CAV1: variants seen among roughly 807,000 people sequenced by gnomAD.
The protein encoded by CAV1 is caveolin 1, also known as caveolin-1.
In CAV1, 10 loss-of-function variants were observed where a neutral mutation model predicts 16.5. The ratio of observed to expected loss-of-function variants is 0.61; its 90% CI spans 0.37 to 1.03. The LOEUF is 1.03. Among genes scored for constraint, CAV1 ranks in the 50% least tolerant of loss-of-function variants. The probability of loss-of-function intolerance (pLI) is 0.01; values close to 1 mark genes in which losing one functional copy is unlikely to be tolerated. For missense variants in CAV1, 212 were observed against 232.8 expected (o/e 0.91, Z 0.58); for synonymous variants, 76 against 85.1 (o/e 0.89, Z 0.59).
In CAV1 at chr7:116,550,581, T is replaced by C. The variant is rs1245244006; in HGVS notation, c.196-8365T>C. ...GTTCCTATGTTCTGGTAACATTTAA[T>C]TGTGCTATTTCTCAACCTCCTCTGC... On this transcript the variant is annotated intron_variant, in intron 2 of 2. Coordinates refer to ENST00000341049, the MANE Select transcript of CAV1 (RefSeq NM_001753.5). Among the ~76,000 whole-genome samples the C allele has an allele frequency of 3.9e-5, 6 of 152,292 alleles. No homozygotes were observed. In the East Asian group the frequency reaches 5.8e-4, roughly 15 times the overall value.
chr7:116,525,781 A>C, intron 1 of CAV1: 3 of 1,049,202 alleles, frequency 2.9e-6, no homozygotes, highest in Non-Finnish European at 3.5e-6. Context: ...GAGTGCCCTG[A>C]GGGTGGGTCG....
At chr7:116,526,299 C>G in intron 1 of CAV1, 1 of 1,371,602 alleles carries the variant, frequency 7.3e-7, no homozygotes, top group Non-Finnish European at 9.5e-7. Context: ...CTGCAGAGTA[C>G]AGAGGGGTGT....
chr7:116,537,912 A>G (rs991049701), intron 2 of CAV1, among the ~76,000 whole-genome samples: 1 of 152,208 alleles, frequency 6.6e-6, no homozygotes, highest in Non-Finnish European at 1.5e-5. Context: ...CTAGAGTAGA[A>G]CTTCCAGTGA....
intron 2 of CAV1, among the ~76,000 whole-genome samples, chr7:116,558,517 G>T (rs984634468): frequency 1.3e-5 from 2 of 151,816 alleles, no homozygotes; most frequent in African/African-American, 4.8e-5. Flanking sequence ...GAAGGCCAAG[G>T]TGGGTGGATT....
At chr7:116,540,187 C>A (rs1433137530) in intron 2 of CAV1, among the ~76,000 whole-genome samples, 4 of 152,112 alleles carry the variant, frequency 2.6e-5, no homozygotes, top group Non-Finnish European at 5.9e-5. Context: ...TTTCTCTTTG[C>A]CTCAGAAGTG....
rs1794382344 is a variant in CAV1, at chr7:116,560,310, A to G, written c.*1023A>G. The G allele has an allele frequency of 6.5e-6, 1 of 153,082 alleles. No individual in the cohort carries two copies. The highest frequency in any genetic ancestry group is 2.4e-5 in the African/African-American group (1 of 41,508). The allele number at this position is 153,082 out of a possible 1,614,324, so 9.5% of individuals were successfully genotyped here. A position where few individuals can be genotyped will look rare whatever the true frequency, so the allele number is the denominator to read the frequency against. ...AGAATAATCACGCTTTCCTGAATCCAAACTAATCCATCACCGGGGTGGTTT... is the reference window on the plus strand; with the variant it reads ...AGAATAATCACGCTTTCCTGAATCCGAACTAATCCATCACCGGGGTGGTTT... On this transcript the variant is annotated 3_prime_UTR_variant, in exon 3 of 3. Coordinates refer to ENST00000341049, the MANE Select transcript of CAV1 (RefSeq NM_001753.5).
intron 2 of CAV1, among the ~76,000 whole-genome samples, chr7:116,532,123 C>T (rs1793698053): frequency 6.6e-6 from 1 of 152,088 alleles, no homozygotes; most frequent in South Asian, 2.1e-4. Flanking sequence ...GCAAGGTGCA[C>T]CAAGTACCCT....
At chr7:116,525,765 G>C (rs1385903494) in intron 1 of CAV1, 10 of 1,056,398 alleles carry the variant, frequency 9.5e-6, no homozygotes, top group Non-Finnish European at 1.2e-5. Context: ...CCCGCCCGCA[G>C]CCTGGGAGTG....
At chr7:116,526,270 C>A in intron 1 of CAV1, 1 of 1,256,862 alleles carries the variant, frequency 8.0e-7, no homozygotes, top group East Asian at 4.1e-5. Context: ...TGGCGGCGGG[C>A]GGGGGAGGCA....
intron 2 of CAV1, chr7:116,542,635 T>C (rs374237998): frequency 1.1e-4 from 17 of 152,362 alleles, no homozygotes; most frequent in Admixed American, 9.8e-4. Context: ...CAAAAAATTC[T>C]TTCTTGCACA....
chr7:116,526,246 C>T, intron 1 of CAV1: 2 of 1,189,090 alleles, frequency 1.7e-6, no homozygotes, highest in Non-Finnish European at 2.1e-6. Context: ...CGCGGCGGGG[C>T]CTGCCCTGAC....
chr7:116,532,663 T>C (rs1793709118), intron 2 of CAV1, among the ~76,000 whole-genome samples: 1 of 152,226 alleles, frequency 6.6e-6, no homozygotes. Flanking sequence ...CTAGAAATTA[T>C]GCCTAACACA....
At chr7:116,549,634 T>C (rs1334315426) in intron 2 of CAV1, among the ~76,000 whole-genome samples, 1 of 152,118 alleles carries the variant, frequency 6.6e-6, no homozygotes, top group Non-Finnish European at 1.5e-5. Context: ...ATGCTAAAAA[T>C]AATAAATATA....
chr7:116,536,772 G>A (rs1353484654), intron 2 of CAV1, among the ~76,000 whole-genome samples: 1 of 152,092 alleles, frequency 6.6e-6, no homozygotes, highest in Non-Finnish European at 1.5e-5. Context: ...GGGAGGCCGA[G>A]GCGGGTGGAT....
chr7:116,551,099 G>A (rs143225408), intron 2 of CAV1, among the ~76,000 whole-genome samples: 10 of 152,296 alleles, frequency 6.6e-5, no homozygotes, highest in African/African-American at 2.4e-4. Flanking sequence ...TTTTGCACGA[G>A]ACAAAGGGCA....
rs777929541 is a variant in CAV1, at chr7:116,526,666, C to T, written c.172C>T (p.His58Tyr). The T allele has an allele frequency of 6.8e-6, 11 of 1,614,072 alleles. No homozygotes were observed. The highest frequency in any genetic ancestry group is 5.0e-5 in the Admixed American group (3 of 60,012). Residue 58 changes from histidine to tyrosine, a missense_variant, in exon 2 of 3, where the codon CAC (histidine) becomes TAC (tyrosine). Physicochemically the swap from His to Tyr is moderately conservative, Grantham distance 83. Transcript: ENST00000341049. ...EIDLVNRDPK[H>Y]LNDDVVKIDF... The stretch of plus-strand genomic sequence containing the variant: ...CGACCTGGTCAACCGCGACCCTAAA[C>T]ACCTCAACGATGACGTGGTCAAGGT...
At chr7:116,525,804 A>G in intron 1 of CAV1, 1 of 1,036,102 alleles carries the variant, frequency 9.7e-7, no homozygotes. Flanking sequence ...GGAGCTGCGC[A>G]GGTGAGACTG....
At position 116,525,331 on chromosome 7, in the gene CAV1, C is replaced by A. The variant is rs774423825; in HGVS notation, c.30+239C>A. On this transcript the variant is annotated intron_variant, in intron 1 of 2. Transcript: ENST00000341049. ...AGGGAGCCCCTGAGCTAGGAGGACACGGAAAAGGGGATTGGGGTCCTGAGA... is the reference window on the plus strand; with the variant it reads ...AGGGAGCCCCTGAGCTAGGAGGACAAGGAAAAGGGGATTGGGGTCCTGAGA... The A allele has an allele frequency of 5.8e-6, 9 of 1,546,734 alleles. No individual in the cohort carries two copies. In the East Asian group the frequency reaches 1.7e-4, roughly 30 times the overall value.
chr7:116,526,229 C>G, intron 1 of CAV1: 1 of 1,069,176 alleles, frequency 9.4e-7, no homozygotes, highest in Middle Eastern at 4.3e-4. Context: ...CGGGGGCCTT[C>G]GGACCGCGCG....
Sources: gnomAD v4.1 joint callset for allele counts (sites outside exome capture counted in the v4.1 genomes callset) on GRCh38, gnomAD v4.1.1 for gene constraint, MANE v1.5 for transcripts, NCBI Gene and HGNC (gene_info 2026-07-23, HGNC 2026-07-21) for gene names.